RGS3: variants seen among roughly 807,000 people sequenced by gnomAD.
RGS3 encodes the protein regulator of G-protein signalling 3.
In RGS3, 80 loss-of-function variants were observed where a neutral mutation model predicts 132.6. The observed-to-expected ratio is 0.60, with a 90% confidence interval of 0.50 to 0.73. The LOEUF is 0.73. Among genes scored for constraint, RGS3 ranks in the 30% least tolerant of loss-of-function variants. RGS3 has a pLI of 0.00. For missense variants in RGS3, 1,382 were observed against 1,530.8 expected (o/e 0.90, Z 1.62); for synonymous variants, 598 against 620.6 (o/e 0.96, Z 0.54).
chr9:113,542,403 C>T (rs904703053), intron 19 of RGS3, among the ~76,000 whole-genome samples: 1 of 152,158 alleles, frequency 6.6e-6, no homozygotes, highest in Non-Finnish European at 1.5e-5. Flanking sequence ...GTTGCAAGTA[C>T]ATTTTTACAA....
chr9:113,577,905 G>A (rs543357226), intron 19 of RGS3, among the ~76,000 whole-genome samples: 4 of 152,304 alleles, frequency 2.6e-5, no homozygotes, highest in Non-Finnish European at 4.4e-5. Flanking sequence ...TCTCTAGTTC[G>A]TAGGCTCCAC....
intron 20 of RGS3, among the ~76,000 whole-genome samples, chr9:113,589,428 C>A (rs1476158546): frequency 6.6e-6 from 1 of 152,194 alleles, no homozygotes. Context: ...AGCTGCCCAG[C>A]CCCTCTGTCA....
intron 3 of RGS3, among the ~76,000 whole-genome samples, chr9:113,475,151 T>C (rs2119198051): frequency 6.6e-6 from 1 of 152,352 alleles, no homozygotes; most frequent in South Asian, 2.1e-4. Context: ...GCCCTGTCTA[T>C]TCTCCCTTTG....
intron 19 of RGS3, chr9:113,570,122 A>G (rs1040619445): frequency 2.0e-5 from 3 of 152,180 alleles, no homozygotes; most frequent in Non-Finnish European, 2.9e-5. Flanking sequence ...TCCTGCCTTC[A>G]TGTCCTCAAG....
chr9:113,474,922 G>A (rs1193625577), intron 3 of RGS3, among the ~76,000 whole-genome samples: 1 of 152,140 alleles, frequency 6.6e-6, no homozygotes, highest in Non-Finnish European at 1.5e-5. Context: ...TTCTGAGTAT[G>A]TCTCTTTCTG....
At chr9:113,505,022 C>T (rs1005952784) in intron 10 of RGS3, 33 of 180,938 alleles carry the variant, frequency 1.8e-4, no homozygotes, top group Non-Finnish European at 2.5e-4. Context: ...GCACAGGGCC[C>T]GCCCCAGGCT....
chr9:113,482,449 T>C (rs973401717), intron 4 of RGS3, among the ~76,000 whole-genome samples: 4 of 152,208 alleles, frequency 2.6e-5, no homozygotes, highest in Admixed American at 1.3e-4. Flanking sequence ...CTGGGATTCA[T>C]GCCTGGGTCC....
intron 13 of RGS3, among the ~76,000 whole-genome samples, chr9:113,508,189 C>T (rs1239548226): frequency 6.6e-6 from 1 of 152,198 alleles, no homozygotes; most frequent in Non-Finnish European, 1.5e-5. Flanking sequence ...CCAAATAACA[C>T]CGCATTTCCC....
chr9:113,501,318 T>C (rs1830881749), intron 10 of RGS3: 2 of 1,017,716 alleles, frequency 2.0e-6, no homozygotes, highest in Non-Finnish European at 2.7e-6. Context: ...CGGGGAATAC[T>C]AACTAGTTGA....
intron 8 of RGS3, 97 bp downstream of exon 6, chr9:113,495,943 T>A: frequency 9.5e-7 from 1 of 1,056,716 alleles, no homozygotes; most frequent in Non-Finnish European, 1.5e-6. Context: ...GGCTTCTCTC[T>A]GTGAGATGGT....
chr9:113,596,836 C>T (rs767132531), exon 25 of RGS3: 14 of 1,613,774 alleles, frequency 8.7e-6, no homozygotes, highest in South Asian at 6.6e-5. Context: ...GGGGCTGCTT[C>T]GACCTGGCAC....
chr9:113,596,913 T>A, exon 25 of RGS3: 2 of 1,612,664 alleles, frequency 1.2e-6, no homozygotes, highest in Non-Finnish European at 1.7e-6. Flanking sequence ...GACCTCTACC[T>A]GGACCTTATT....
chr9:113,595,094 C>T, intron 23 of RGS3, 114 bp downstream of exon 21: 2 of 1,003,908 alleles, frequency 2.0e-6, no homozygotes, highest in Non-Finnish European at 3.1e-6. Flanking sequence ...CCTCGGCCGT[C>T]AGGGTGTCCT....
chr9:113,448,374 G>T (rs895871133), intron 1 of RGS3, among the ~76,000 whole-genome samples: 3 of 152,114 alleles, frequency 2.0e-5, no homozygotes, highest in African/African-American at 4.8e-5. Context: ...CTCTAGCCAA[G>T]ACTTTTTTCT....
chr9:113,568,717 A>C (rs1470896734), intron 19 of RGS3, among the ~76,000 whole-genome samples: 6 of 152,196 alleles, frequency 3.9e-5, no homozygotes, highest in Non-Finnish European at 7.3e-5. Flanking sequence ...TGCTTAGGGA[A>C]AACCATCATT....
At chr9:113,545,286 T>C (rs1378149458) in intron 19 of RGS3, among the ~76,000 whole-genome samples, 1 of 152,226 alleles carries the variant, frequency 6.6e-6, no homozygotes, top group African/African-American at 2.4e-5. Context: ...GCCTTTGACC[T>C]GAGACCAGCT....
chr9:113,567,806 C>T lies in RGS3; in HGVS notation c.2038-15644C>T, dbSNP rs151087832. ...GCACAGACTACAGGGGATTGGAGCTCAGCTCCCTGGACCCTCTTGGGATGG... is the reference window on the plus strand; with the variant it reads ...GCACAGACTACAGGGGATTGGAGCTTAGCTCCCTGGACCCTCTTGGGATGG... On this transcript the variant is annotated intron_variant, in intron 19 of 24. Coordinates refer to ENST00000350696, the Ensembl canonical transcript of RGS3. 7.9e-4 allele frequency among the ~76,000 whole-genome samples: 120 copies of T among 152,304 alleles called. 1 individual carries two copies. The highest frequency in any genetic ancestry group is 2.6e-3 in the African/African-American group (107 of 41,566).
intron 19 of RGS3, among the ~76,000 whole-genome samples, chr9:113,545,852 T>C (rs1463652473): frequency 6.6e-6 from 1 of 152,218 alleles, no homozygotes; most frequent in Non-Finnish European, 1.5e-5. Context: ...CCAATTTAGA[T>C]ATGAAGACGC....
chr9:113,482,881 T>C, intron 4 of RGS3, 178 bp from the exon 3 acceptor site: 1 of 1,457,422 alleles, frequency 6.9e-7, no homozygotes, highest in Non-Finnish European at 9.0e-7. Context: ...TAGCCAATGG[T>C]GGTTATGCAG....
Sources: allele counts gnomAD v4.1 joint callset (sites outside exome capture counted in the v4.1 genomes callset), GRCh38; gene constraint gnomAD v4.1.1; transcripts MANE v1.5; gene names NCBI Gene and HGNC (gene_info 2026-07-23, HGNC 2026-07-21).